N4BP2L2: variants seen among roughly 807,000 people sequenced by gnomAD.
N4BP2L2 encodes the protein NEDD4-binding protein 2-like 2.
In N4BP2L2, 50 loss-of-function variants were observed where a neutral mutation model predicts 56.2. The observed-to-expected ratio is 0.89, with a 90% CI of 0.71 to 1.13. N4BP2L2 has a LOEUF of 1.13. N4BP2L2 is among the 50% of genes most tolerant of loss of function. The probability of loss-of-function intolerance (pLI) is 0.00; values close to 1 mark genes in which losing one functional copy is unlikely to be tolerated. For missense variants in N4BP2L2, 689 were observed against 693.8 expected, an observed-to-expected ratio of 0.99 and a Z score of 0.08; for synonymous variants, 203 against 223.6, an observed-to-expected ratio of 0.91 and a Z score of 0.82.
rs764851300 is a variant in N4BP2L2, at chr13:32,480,550, G to A, written c.366-36424C>T. On this transcript the variant is annotated intron_variant, in intron 6 of 9. Coordinates refer to the N4BP2L2 transcript ENST00000357505. ...TAATTTTAATCTTAGAAAATCAGAC[G>A]CTAGATCCATTATATCATTACTTGG... 1.4e-5 allele frequency: 15 copies of A among 1,091,982 alleles called. No homozygotes were observed. The Middle Eastern group carries it at 6.9e-4, about 50-fold the overall frequency. 67.6% of individuals were successfully genotyped at this position (1,091,982 alleles called of 1,614,324 possible).
chr13:32,510,164 C>T (rs1054053076), downstream of N4BP2L2: 5 of 151,968 alleles, frequency 3.3e-5, no homozygotes, highest in African/African-American at 1.2e-4. Flanking sequence ...ATGATGTCTA[C>T]TACTAACATA....
At chr13:32,491,180 TGGA>T in intron 6 of N4BP2L2, among the ~76,000 whole-genome samples, 1 of 152,140 alleles carries the variant, frequency 6.6e-6, no homozygotes, top group East Asian at 1.9e-4. Flanking sequence ...TTTTGCTATT[TGGA>T]GGAGGTCTCA....
At chr13:32,531,962 C>T (rs1272496781) in intron 2 of N4BP2L2, among the ~76,000 whole-genome samples, 1 of 152,182 alleles carries the variant, frequency 6.6e-6, no homozygotes, top group Non-Finnish European at 1.5e-5. Flanking sequence ...TCTTCAAAAC[C>T]AGCAGTGCAG....
chr13:32,459,318 G>C (rs763338512), intron 6 of N4BP2L2, among the ~76,000 whole-genome samples: 3 of 151,560 alleles, frequency 2.0e-5, no homozygotes, highest in Non-Finnish European at 2.9e-5. Flanking sequence ...ATCAAAAAAA[G>C]ACAAAACAAC....
intron 1 of N4BP2L2, 92 bp downstream of exon 1, chr13:32,538,526 G>C (rs1009796514): frequency 2.5e-5 from 19 of 747,498 alleles, no homozygotes; most frequent in Non-Finnish European, 2.6e-5. Context: ...TTACGTCTAC[G>C]TTTACAGCTA....
chr13:32,477,142 T>C, intron 6 of N4BP2L2: 2 of 599,020 alleles, frequency 3.3e-6, no homozygotes, highest in Non-Finnish European at 6.3e-6. Flanking sequence ...CTTGCCACTA[T>C]CATACACCAG....
At chr13:32,534,088 CTCTGCTCCTTCTATAAAA>C (rs1330584302) in intron 2 of N4BP2L2, among the ~76,000 whole-genome samples, 6 of 152,136 alleles carry the variant, frequency 3.9e-5, no homozygotes, top group Admixed American at 2.0e-4. Context: ...TTCCTTTAGC[CTCTGCTCCTTCTATAAAA>C]TGAAAAAACA....
chr13:32,433,207 TC>T (rs2075029598), intron 9 of N4BP2L2, among the ~76,000 whole-genome samples: 1 of 152,206 alleles, frequency 6.6e-6, no homozygotes, highest in East Asian at 1.9e-4. Flanking sequence ...TCCCTGAGGA[TC>T]CAGCTATGTA....
intron 6 of N4BP2L2, among the ~76,000 whole-genome samples, chr13:32,460,749 TG>T (rs2079894770): frequency 6.6e-6 from 1 of 152,022 alleles, no homozygotes; most frequent in South Asian, 2.1e-4. Context: ...AAAATTTGCA[TG>T]GAACCAAAAA....
exon 8 of N4BP2L2, chr13:32,438,679 G>T: frequency 6.2e-7 from 1 of 1,609,568 alleles, no homozygotes; most frequent in Non-Finnish European, 8.5e-7. Context: ...ATTGCAAGTA[G>T]ATCATCTTTA....
chr13:32,496,787 C>A (rs1197304305), intron 6 of N4BP2L2, among the ~76,000 whole-genome samples: 1 of 152,204 alleles, frequency 6.6e-6, no homozygotes, highest in African/African-American at 2.4e-5. Flanking sequence ...TGAGCCCCAC[C>A]TCTGACATGT....
chr13:32,440,188 C>A (rs897703130), intron 7 of N4BP2L2, among the ~76,000 whole-genome samples: 2 of 152,252 alleles, frequency 1.3e-5, no homozygotes, highest in South Asian at 2.1e-4. Context: ...TTTGGTCTCA[C>A]CTGTGGGACC....
At chr13:32,480,661 A>C in intron 6 of N4BP2L2, 1 of 1,276,676 alleles carries the variant, frequency 7.8e-7, no homozygotes, top group Non-Finnish European at 1.0e-6. Context: ...TAACATTTAG[A>C]TTGTGCTTCA....
At position 32,480,702 on chromosome 13, in the gene N4BP2L2, C is replaced by T. The variant is rs1030541712; in HGVS notation, c.366-36576G>A. On this transcript the variant is annotated intron_variant, in intron 6 of 9. Transcript: ENST00000357505. ...TTTAAAGTGCTTTCATAAACATCATCTTGTTCAAATCCACAACTGTGCTAC... is the reference window on the plus strand; with the variant it reads ...TTTAAAGTGCTTTCATAAACATCATTTTGTTCAAATCCACAACTGTGCTAC... The T allele has an allele frequency of 4.0e-6, 4 of 998,096 alleles. No homozygotes were observed. In the African/African-American group the frequency reaches 6.7e-5, roughly 17 times the overall value. The allele number at this position is 998,096 out of a possible 1,614,324, so 61.8% of individuals were successfully genotyped here.
At chr13:32,440,492 A>C (rs969186078) in intron 7 of N4BP2L2, among the ~76,000 whole-genome samples, 1 of 152,066 alleles carries the variant, frequency 6.6e-6, no homozygotes, top group African/African-American at 2.4e-5. Flanking sequence ...TTTTTGAAAG[A>C]GTCTTACTCT....
At chr13:32,533,120 TAA>T (rs1226729398) in intron 2 of N4BP2L2, among the ~76,000 whole-genome samples, 12 of 152,342 alleles carry the variant, frequency 7.9e-5, no homozygotes, top group Middle Eastern at 3.4e-3. Flanking sequence ...GCTGGTGGGA[TAA>T]GTCTCGTTTT....
rs552709433 is a variant in N4BP2L2, at chr13:32,446,304, T to C, written c.366-2178A>G. ...TGTGATGGGGCCTCTATAAAAAGGA[T>C]ATTGAGTAAAGAGTGCTATCTGTGG... On this transcript the variant is annotated intron_variant, in intron 6 of 9. Transcript: ENST00000357505. 1,139 of 1,225,508 alleles carry C rather than the reference T, an allele frequency of 9.3e-4. 2 individuals carry two copies. The highest frequency in any genetic ancestry group is 1.2e-3 in the Non-Finnish European group (1,100 of 902,856). 75.9% of individuals were successfully genotyped at this position (1,225,508 alleles called of 1,614,324 possible).
At chr13:32,462,464 G>A (rs1008843062) in intron 6 of N4BP2L2, among the ~76,000 whole-genome samples, 4 of 152,034 alleles carry the variant, frequency 2.6e-5, no homozygotes, top group Admixed American at 6.6e-5. Flanking sequence ...TGAGTGGGTG[G>A]GGCGTGGAAT....
chr13:32,512,465 A>G (rs556648843), exon 6 of N4BP2L2: 1 of 152,314 alleles, frequency 6.6e-6, no homozygotes, highest in Admixed American at 6.5e-5. Flanking sequence ...AACATATTCC[A>G]TTCTGGGAAG....
Sources: gnomAD v4.1 joint callset for allele counts (sites outside exome capture counted in the v4.1 genomes callset) on GRCh38, gnomAD v4.1.1 for gene constraint, MANE v1.5 for transcripts, NCBI Gene and HGNC (gene_info 2026-07-23, HGNC 2026-07-21) for gene names.